Variants in DUX4 observed in about 807,000 individuals in gnomAD.
DUX4 encodes the protein double homeobox protein 4.
At chr4:190,182,055 C>T (rs1273366644) in intron 1 of DUX4, 8 of 116,622 alleles carry the variant, frequency 6.9e-5, no homozygotes, top group Admixed American at 2.0e-4. Context: ...TAGGCAGAGC[C>T]TAGACAAGAG....
downstream of DUX4, among the ~76,000 whole-genome samples, chr4:190,177,410 G>GCCTAGACAAGGGTTACA (rs1742365722): frequency 6.6e-5 from 2 of 30,506 alleles, no homozygotes; most frequent in Non-Finnish European, 1.8e-4. Context: ...TGTAGGTCGA[G>GCCTAGACAAGGGTTACA]TCTAGACAAG....
chr4:190,180,006 A>AGAG (rs1742524335), downstream of DUX4, among the ~76,000 whole-genome samples: 1 of 137,176 alleles, frequency 7.3e-6, no homozygotes. Context: ...GGCAGAGCTT[A>AGAG]AACTAGAGTT....
At chr4:190,175,958 A>C (rs1161107916), downstream of DUX4, 12 of 109,706 alleles carry the variant, frequency 1.1e-4, no homozygotes, top group African/African-American at 2.7e-4. Flanking sequence ...GTGTTTCAGA[A>C]CTCCATAGTA....
At chr4:190,182,399 G>A (rs1472567481) in intron 1 of DUX4, among the ~76,000 whole-genome samples, 1 of 46,934 alleles carries the variant, frequency 2.1e-5, no homozygotes, top group African/African-American at 4.4e-5. Context: ...GTTAGGGTTA[G>A]GGGTTAGGGT....
chr4:190,182,226 G>GAGGGTGAGGGTC (rs1742606917), intron 1 of DUX4: 2 of 128,852 alleles, frequency 1.6e-5, no homozygotes, highest in Admixed American at 8.7e-5. Context: ...GGGTCAGGGT[G>GAGGGTGAGGGTC]AGGGTGAGGG....
At chr4:190,176,003 G>T (rs1245082853), downstream of DUX4, among the ~76,000 whole-genome samples, 13 of 110,254 alleles carry the variant, frequency 1.2e-4, 6 homozygotes, top group Non-Finnish European at 2.8e-4. Context: ...TCACTTAGGT[G>T]ATCAGTGTAG....
downstream of DUX4, among the ~76,000 whole-genome samples, chr4:190,180,016 TA>T (rs1742525908): frequency 6.9e-6 from 1 of 144,290 alleles, no homozygotes; most frequent in Admixed American, 6.8e-5. Context: ...AAACTAGAGT[TA>T]CATCACCTGT....
chr4:190,179,179 G>A (rs1742481241), downstream of DUX4, among the ~76,000 whole-genome samples: 5 of 150,710 alleles, frequency 3.3e-5, no homozygotes, highest in Non-Finnish European at 7.4e-5. Context: ...TGCCCCTGTA[G>A]GCAGAGCCCT....
At chr4:190,182,252 G>GGGTGAGGGTGAGGGT in intron 1 of DUX4, 1 of 125,958 alleles carries the variant, frequency 7.9e-6, no homozygotes, top group African/African-American at 2.5e-5. Context: ...GTTAGGGTGA[G>GGGTGAGGGTGAGGGT]CATTAGGTTT....
At chr4:190,178,845 A>AGGTTACACAACAGTTACATCACCTG (rs1742456434), downstream of DUX4, among the ~76,000 whole-genome samples, 1 of 147,370 alleles carries the variant, frequency 6.8e-6, no homozygotes, top group East Asian at 2.0e-4. Flanking sequence ...CTGTAGGCAG[A>AGGTTACACAACAGTTACATCACCTG]GCTTATACAA....
At chr4:190,178,846 GCTTATACAACA>G (rs1742456619), downstream of DUX4, among the ~76,000 whole-genome samples, 5 of 142,452 alleles carry the variant, frequency 3.5e-5, no homozygotes, top group South Asian at 2.2e-4. Context: ...TGTAGGCAGA[GCTTATACAACA>G]GTTACATCAC....
chr4:190,183,854 C>T lies in DUX4; in HGVS notation n.93-1487C>T, dbSNP rs1364581921. Among the ~76,000 whole-genome samples the T allele has an allele frequency of 1.6e-5, 2 of 121,576 alleles. 1 individual carries two copies. The highest frequency in any genetic ancestry group is 3.9e-5 in the Non-Finnish European group (2 of 51,774). 79.8% of individuals were successfully genotyped at this position (121,576 alleles called of 152,430 possible). A position where few individuals can be genotyped will look rare whatever the true frequency, so the allele number is the denominator to read the frequency against. On this transcript the variant is annotated intron_variant and non_coding_transcript_variant, in intron 1 of 2. Coordinates refer to the DUX4 transcript ENST00000563716. ...AACCCGCAGCATACTGGACAAATGT[C>T]TAAGCCTCGTGGTTAGTGGGGACAT...
At chr4:190,182,196 G>GAGGGTC (rs1742605211) in intron 1 of DUX4, 1 of 135,038 alleles carries the variant, frequency 7.4e-6, no homozygotes, top group Non-Finnish European at 1.7e-5. Flanking sequence ...GGGTTAGGGT[G>GAGGGTC]AGGGTGAGGG....
At chr4:190,179,451 TAAGCA>T (rs1742493833), downstream of DUX4, among the ~76,000 whole-genome samples, 1 of 139,872 alleles carries the variant, frequency 7.1e-6, no homozygotes, top group East Asian at 2.1e-4. Context: ...AAGCACCCTG[TAAGCA>T]GATCCTAGAG....
downstream of DUX4, among the ~76,000 whole-genome samples, chr4:190,177,445 G>GGAGATAT (rs1742367689): frequency 3.3e-5 from 5 of 151,584 alleles, no homozygotes; most frequent in Admixed American, 6.6e-5. Flanking sequence ...GGTGATCAGT[G>GGAGATAT]CAAAGATATG....
chr4:190,181,725 GT>G (rs1742592034), intron 1 of DUX4, among the ~76,000 whole-genome samples: 3 of 119,122 alleles, frequency 2.5e-5, no homozygotes, highest in South Asian at 2.7e-4. Context: ...CAACACAAGA[GT>G]TACATCACCT....
downstream of DUX4, among the ~76,000 whole-genome samples, chr4:190,179,534 C>A (rs1742502268): frequency 0.019 from 53 of 2,738 alleles, no homozygotes; most frequent in South Asian, 0.044. Flanking sequence ...AGAGCCTAGA[C>A]AAGAGTTATA....
chr4:190,179,471 G>T (rs1579835560), downstream of DUX4, among the ~76,000 whole-genome samples: 2 of 150,066 alleles, frequency 1.3e-5, no homozygotes, highest in Non-Finnish European at 3.0e-5. Context: ...CTAGAGAAGA[G>T]TTATATCACC....
chr4:190,183,881 G>T (rs1352290420), intron 1 of DUX4, among the ~76,000 whole-genome samples: 7 of 121,994 alleles, frequency 5.7e-5, no homozygotes, highest in African/African-American at 1.8e-4. Flanking sequence ...TGGGGACATT[G>T]CTGGTGGAGT....
Sources: gnomAD v4.1 joint callset for allele counts (sites outside exome capture counted in the v4.1 genomes callset) on GRCh38, gnomAD v4.1.1 for gene constraint, MANE v1.5 for transcripts, NCBI Gene and HGNC (gene_info 2026-07-23, HGNC 2026-07-21) for gene names.